The following PXDNL variants were observed in gnomAD, a reference collection of about 807,000 sequenced individuals.
The protein encoded by PXDNL is peroxidasin like, also known as probable oxidoreductase PXDNL.
In PXDNL, 145 loss-of-function variants were observed where a neutral mutation model predicts 150.8. The ratio of observed to expected loss-of-function variants is 0.96; its 90% CI spans 0.84 to 1.10. PXDNL has a LOEUF of 1.10. Among genes scored for constraint, PXDNL ranks in the 50% least tolerant of loss-of-function variants. The pLI is 0.00. For missense variants in PXDNL, 2,087 were observed against 1,873.9 expected, an observed-to-expected ratio of 1.11 and a Z score of -2.10; for synonymous variants, 757 against 725.7, an observed-to-expected ratio of 1.04 and a Z score of -0.69.
chr8:51,414,577 T>C (rs1321824200), intron 14 of PXDNL, among the ~76,000 whole-genome samples: 1 of 151,852 alleles, frequency 6.6e-6, no homozygotes, highest in African/African-American at 2.4e-5. Context: ...AAATGGCCAA[T>C]GTTGCCTTTC....
At chr8:51,759,296 C>T (rs1234615172) in intron 1 of PXDNL, among the ~76,000 whole-genome samples, 1 of 152,190 alleles carries the variant, frequency 6.6e-6, no homozygotes, top group African/African-American at 2.4e-5. Context: ...CCTCTTCTAT[C>T]TGAAAGCGTC....
chr8:51,517,771 C>T (rs1811576555), intron 4 of PXDNL, among the ~76,000 whole-genome samples: 2 of 152,186 alleles, frequency 1.3e-5, no homozygotes. Flanking sequence ...CAATCTAGTA[C>T]ATTGTAACTG....
At chr8:51,639,114 C>T (rs1041724311) in intron 2 of PXDNL, among the ~76,000 whole-genome samples, 19 of 152,050 alleles carry the variant, frequency 1.2e-4, no homozygotes, top group African/African-American at 3.4e-4. Flanking sequence ...GGGTACATAA[C>T]GAAATGAAGG....
chr8:51,708,145 G>A (rs986681327), intron 1 of PXDNL, among the ~76,000 whole-genome samples: 3 of 152,126 alleles, frequency 2.0e-5, no homozygotes, highest in Admixed American at 6.5e-5. Context: ...AATATATGTC[G>A]AGTAAGAGAA....
chr8:51,644,220 A>G (rs942680272), intron 2 of PXDNL, among the ~76,000 whole-genome samples: 17 of 147,780 alleles, frequency 1.2e-4, no homozygotes, highest in Non-Finnish European at 7.5e-5. Flanking sequence ...ATCACATTTG[A>G]TCAGAGAACT....
chr8:51,372,507 C>T (rs1807155503), intron 18 of PXDNL, among the ~76,000 whole-genome samples: 1 of 152,218 alleles, frequency 6.6e-6, no homozygotes, highest in African/African-American at 2.4e-5. Flanking sequence ...GCCTCAGCCT[C>T]CCAAGTAGCT....
intron 1 of PXDNL, among the ~76,000 whole-genome samples, chr8:51,791,045 T>A (rs140564897): frequency 1.3e-5 from 2 of 151,952 alleles, no homozygotes; most frequent in Non-Finnish European, 1.5e-5. Flanking sequence ...ACATGGTAAA[T>A]AAGCACAAAA....
chr8:51,510,842 G>A (rs542335783), intron 4 of PXDNL, among the ~76,000 whole-genome samples: 1 of 152,256 alleles, frequency 6.6e-6, no homozygotes, highest in African/African-American at 2.4e-5. Flanking sequence ...GTTTGCCTGT[G>A]AACACTGAGA....
chr8:51,679,605 A>G (rs1347903991), intron 1 of PXDNL, among the ~76,000 whole-genome samples: 1 of 152,138 alleles, frequency 6.6e-6, no homozygotes, highest in African/African-American at 2.4e-5. Flanking sequence ...ATCTACATGC[A>G]TCCTTTTTAT....
intron 1 of PXDNL, among the ~76,000 whole-genome samples, chr8:51,746,175 A>G (rs1415830609): frequency 1.3e-5 from 2 of 152,198 alleles, no homozygotes; most frequent in Non-Finnish European, 2.9e-5. Context: ...GATTTAGTTA[A>G]ACCCCTCATC....
intron 4 of PXDNL, among the ~76,000 whole-genome samples, chr8:51,532,580 T>C (rs932334339): frequency 6.6e-6 from 1 of 152,174 alleles, no homozygotes; most frequent in African/African-American, 2.4e-5. Flanking sequence ...TTTGTTTGTT[T>C]GCTTTTTGGT....
Position 51,409,455 on chromosome 8 carries a change from G to C in PXDNL, c.2169C>G (p.Phe723Leu), listed in dbSNP as rs1435400916. The C allele has an allele frequency of 6.8e-6, 11 of 1,612,670 alleles. No homozygotes were observed. The highest frequency in any genetic ancestry group is 9.3e-6 in the Non-Finnish European group (11 of 1,179,788). The change falls in exon 17 of 23, where the codon TTC becomes TTG. Residue 723 changes from phenylalanine to leucine, a missense_variant. By Grantham distance (22) the Phe-to-Leu change is conservative. Transcript: ENST00000356297. The stretch of plus-strand genomic sequence containing the variant: ...CGTCGTGGGCGCGGTACTTCGCATG[G>C]AAACACCGGTTGGAGCAGTTTGGCA... ...RPLPNCSNRC[F>L]HAKYRAHDGT... is the part of the protein sequence containing the mutation.
At chr8:51,570,300 G>T (rs188533638) in intron 3 of PXDNL, among the ~76,000 whole-genome samples, 9 of 151,946 alleles carry the variant, frequency 5.9e-5, no homozygotes, top group Admixed American at 3.9e-4. Context: ...GCTGGGAGAG[G>T]CCCACCCATC....
At chr8:51,405,035 A>T (rs1158806585) in intron 17 of PXDNL, among the ~76,000 whole-genome samples, 1 of 152,182 alleles carries the variant, frequency 6.6e-6, no homozygotes, top group Non-Finnish European at 1.5e-5. Flanking sequence ...CACCCTCCGC[A>T]GCTGCTGGCC....
chr8:51,577,985 A>AAGAAAGAG (rs1813107907), intron 3 of PXDNL, among the ~76,000 whole-genome samples: 2 of 83,858 alleles, frequency 2.4e-5, no homozygotes, highest in Admixed American at 1.3e-4. Context: ...GAAAGAAAGA[A>AAGAAAGAG]AGAAAGAAAG....
chr8:51,747,403 G>A (rs7459977), intron 1 of PXDNL, among the ~76,000 whole-genome samples: 123,696 of 152,254 alleles, frequency 0.81, 50,355 homozygotes, highest in East Asian at 0.88. Context: ...AACTCAAAGT[G>A]TAGAAGGGTG....
At chr8:51,652,831 A>G (rs1815069913) in intron 2 of PXDNL, among the ~76,000 whole-genome samples, 1 of 152,364 alleles carries the variant, frequency 6.6e-6, no homozygotes. Flanking sequence ...ATATTTAGAA[A>G]CAAATTAATA....
At chr8:51,690,823 T>C (rs376445709) in intron 1 of PXDNL, among the ~76,000 whole-genome samples, 23 of 151,856 alleles carry the variant, frequency 1.5e-4, no homozygotes, top group Admixed American at 7.2e-4. Flanking sequence ...ACATCCTCTC[T>C]AGCACCTGTT....
intron 1 of PXDNL, among the ~76,000 whole-genome samples, chr8:51,775,618 G>A (rs1401299993): frequency 1.3e-5 from 2 of 152,096 alleles, no homozygotes; most frequent in African/African-American, 4.8e-5. Context: ...AACATAAATT[G>A]TGAAGATTTC....
Sources: gnomAD v4.1 joint callset for allele counts (sites outside exome capture counted in the v4.1 genomes callset) on GRCh38, gnomAD v4.1.1 for gene constraint, MANE v1.5 for transcripts, NCBI Gene and HGNC (gene_info 2026-07-23, HGNC 2026-07-21) for gene names.